EBF2: variants seen among roughly 807,000 people sequenced by gnomAD.
EBF2 encodes the protein transcription factor COE2.
EBF2 carries 21 observed loss-of-function variants against 72.8 expected under a neutral mutation model. The observed-to-expected ratio is 0.29, with a 90% CI of 0.20 to 0.42. EBF2 has a LOEUF of 0.42. Ranked by LOEUF, EBF2 falls within the 10% of genes least tolerant of loss-of-function variation. The pLI is 1.00. For missense variants in EBF2, 637 were observed against 731.2 expected (o/e 0.87, Z 1.49); for synonymous variants, 299 against 274.2 (o/e 1.09, Z -0.89).
chr8:25,939,863 A>G (rs1563407483), intron 6 of EBF2, among the ~76,000 whole-genome samples: 1 of 152,202 alleles, frequency 6.6e-6, no homozygotes. Context: ...TTTACCAGGG[A>G]GCAGATCTGA....
intron 5 of EBF2, among the ~76,000 whole-genome samples, chr8:26,033,382 A>G (rs1805441030): frequency 6.6e-6 from 1 of 152,160 alleles, no homozygotes; most frequent in Non-Finnish European, 1.5e-5. Context: ...GGTGTGTGCC[A>G]CCGCGCCCAG....
intron 6 of EBF2, among the ~76,000 whole-genome samples, chr8:25,973,719 C>G (rs934781986): frequency 7.2e-5 from 11 of 152,054 alleles, no homozygotes; most frequent in African/African-American, 2.2e-4. Flanking sequence ...CTCTGTTGCC[C>G]AAGTGGAATG....
At chr8:26,041,259 C>G (rs1001082871) in intron 2 of EBF2, 3 of 542,296 alleles carry the variant, frequency 5.5e-6, no homozygotes, top group Non-Finnish European at 9.9e-6. Context: ...AAGTGTGACC[C>G]TTGAGCTTCC....
intron 13 of EBF2, among the ~76,000 whole-genome samples, chr8:25,858,818 G>A (rs184263763): frequency 1.6e-3 from 243 of 151,738 alleles, no homozygotes; most frequent in Non-Finnish European, 2.9e-3. Context: ...CTGCCATTGC[G>A]CCCGGCTAAT....
At chr8:26,032,013 T>C (rs1298476514) in intron 6 of EBF2, 4 of 152,212 alleles carry the variant, frequency 2.6e-5, no homozygotes, top group African/African-American at 9.7e-5. Context: ...TTGCCCATCA[T>C]CCTCTTCAAG....
chr8:25,922,369 T>C (rs1803319008), intron 6 of EBF2, among the ~76,000 whole-genome samples: 1 of 152,228 alleles, frequency 6.6e-6, no homozygotes, highest in Non-Finnish European at 1.5e-5. Context: ...TACTTATTCC[T>C]ACCTTTCATC....
At chr8:25,875,960 G>A (rs1444280153) in intron 10 of EBF2, among the ~76,000 whole-genome samples, 5 of 152,192 alleles carry the variant, frequency 3.3e-5, no homozygotes, top group Admixed American at 6.5e-5. Context: ...ATACATGCAC[G>A]CGTATGTTTG....
At chr8:25,893,579 T>C (rs1486066691) in intron 7 of EBF2, among the ~76,000 whole-genome samples, 3 of 152,124 alleles carry the variant, frequency 2.0e-5, no homozygotes, top group Non-Finnish European at 2.9e-5. Flanking sequence ...CACCCAGCCA[T>C]GGGCATTAAT....
chr8:26,002,996 T>C (rs1804767242), intron 6 of EBF2, among the ~76,000 whole-genome samples: 1 of 151,576 alleles, frequency 6.6e-6, no homozygotes, highest in Non-Finnish European at 1.5e-5. Flanking sequence ...CCCAGACAGC[T>C]CTCATCTGGG....
chr8:25,973,018 C>T lies in EBF2; in HGVS notation c.551+60067G>A, dbSNP rs546358047. Among the ~76,000 whole-genome samples, 171 of 148,638 alleles carry T rather than the reference C, an allele frequency of 1.2e-3. 2 individuals carry two copies. The highest frequency in any genetic ancestry group is 1.9e-3 in the Non-Finnish European group (130 of 67,114). On this transcript the variant is annotated intron_variant, in intron 6 of 15. Coordinates refer to ENST00000520164, the MANE Select transcript of EBF2 (RefSeq NM_022659.4). Reference sequence around the variant, plus strand: ...GCTTTGGTTTCCTCTGCAGGTTCTACCCTGGGCTCTAGCTGGACTGCACAT... The same window carrying T: ...GCTTTGGTTTCCTCTGCAGGTTCTATCCTGGGCTCTAGCTGGACTGCACAT...
intron 13 of EBF2, 134 bp from the exon 14 acceptor site, chr8:25,858,638 A>G (rs764764571): frequency 4.4e-6 from 2 of 454,478 alleles, no homozygotes; most frequent in Non-Finnish European, 3.9e-6. Context: ...GGAAGTGTGC[A>G]GTCCATCTTT....
At chr8:25,915,608 GAA>G (rs34778900) in intron 6 of EBF2, among the ~76,000 whole-genome samples, 2 of 130,968 alleles carry the variant, frequency 1.5e-5, no homozygotes, top group Admixed American at 7.6e-5. Flanking sequence ...CAGCCTTTTG[GAA>G]AAAAAAAAAA....
chr8:26,043,764 C>A (rs777087987), intron 1 of EBF2, among the ~76,000 whole-genome samples: 2 of 152,136 alleles, frequency 1.3e-5, no homozygotes, highest in Non-Finnish European at 1.5e-5. Flanking sequence ...GCAGGGGAAG[C>A]GAGGGTAGTG....
At chr8:25,898,450 T>TAAAAAA (rs112211291) in intron 7 of EBF2, among the ~76,000 whole-genome samples, 5,217 of 144,368 alleles carry the variant, frequency 0.036, 132 homozygotes, top group Admixed American at 0.059. Context: ...CAGTGGCAAT[T>TAAAAAA]AAAAAAAAAA....
intron 6 of EBF2, among the ~76,000 whole-genome samples, chr8:26,019,226 T>A (rs1426143291): frequency 1.3e-5 from 2 of 151,686 alleles, no homozygotes; most frequent in Non-Finnish European, 2.9e-5. Context: ...AAGAGTTAGT[T>A]CCACAGCTTT....
At chr8:25,951,337 C>G (rs751725597) in intron 6 of EBF2, among the ~76,000 whole-genome samples, 2 of 152,080 alleles carry the variant, frequency 1.3e-5, no homozygotes, top group Non-Finnish European at 2.9e-5. Context: ...CAGGCCTGTC[C>G]CAGCTGAGAT....
chr8:26,040,895 C>G, intron 3 of EBF2, 44 bp downstream of exon 3: 3 of 1,612,738 alleles, frequency 1.9e-6, no homozygotes, highest in Middle Eastern at 3.4e-4. Flanking sequence ...GGCCCGGAAG[C>G]CGGCTGCTAG....
At chr8:25,894,228 C>A (rs761055123) in intron 7 of EBF2, among the ~76,000 whole-genome samples, 1 of 152,218 alleles carries the variant, frequency 6.6e-6, no homozygotes, top group Non-Finnish European at 1.5e-5. Flanking sequence ...ATTTGCTTTA[C>A]TTCTGGAAGA....
At chr8:25,892,801 G>T (rs1019792394) in intron 7 of EBF2, among the ~76,000 whole-genome samples, 5 of 152,106 alleles carry the variant, frequency 3.3e-5, no homozygotes, top group Admixed American at 3.3e-4. Context: ...GAGATTCAAA[G>T]AATAAACTTA....
Sources: allele counts gnomAD v4.1 joint callset (sites outside exome capture counted in the v4.1 genomes callset), GRCh38; gene constraint gnomAD v4.1.1; transcripts MANE v1.5; gene names NCBI Gene and HGNC (gene_info 2026-07-23, HGNC 2026-07-21).